The following TYW1B variants were observed in gnomAD, a reference collection of about 807,000 sequenced individuals.
The protein encoded by TYW1B is S-adenosyl-L-methionine-dependent tRNA 4-demethylwyosine synthase TYW1B.
Under a neutral mutation model 86.9 loss-of-function variants are expected in TYW1B, and 73 were observed. The observed-to-expected ratio is 0.84, with a 90% CI of 0.70 to 1.02. The LOEUF is 1.02. Ranked by LOEUF, TYW1B falls within the 50% of genes least tolerant of loss-of-function variation. The pLI, the probability that TYW1B is intolerant of heterozygous loss-of-function variation, is 0.00. For missense variants in TYW1B, 637 were observed against 827.4 expected (o/e 0.77, Z 2.82); for synonymous variants, 248 against 292.8 (o/e 0.85, Z 1.56).
At chr7:72,664,620 A>C (rs142787955) in intron 11 of TYW1B, among the ~76,000 whole-genome samples, 41 of 152,300 alleles carry the variant, frequency 2.7e-4, no homozygotes, top group African/African-American at 7.5e-4. Flanking sequence ...AATGGGAGGA[A>C]GGAGAGGATC....
At chr7:72,822,657 T>C (rs555447917) in intron 2 of TYW1B, among the ~76,000 whole-genome samples, 4 of 152,264 alleles carry the variant, frequency 2.6e-5, no homozygotes, top group East Asian at 1.9e-4. Context: ...TGAAGAAATA[T>C]TGAGATGGGC....
intron 2 of TYW1B, among the ~76,000 whole-genome samples, chr7:72,815,920 T>G (rs548682627): frequency 2.0e-5 from 3 of 152,092 alleles, no homozygotes; most frequent in Non-Finnish European, 2.9e-5. Flanking sequence ...TCCCAGCTAC[T>G]CAAGAGGCTG....
chr7:72,664,978 C>T (rs1324607672), intron 11 of TYW1B, among the ~76,000 whole-genome samples: 1 of 152,082 alleles, frequency 6.6e-6, no homozygotes, highest in Non-Finnish European at 1.5e-5. Context: ...GCTAGGTAGT[C>T]TTTACACTGT....
At chr7:72,704,378 G>C (rs1814562728) in intron 10 of TYW1B, among the ~76,000 whole-genome samples, 1 of 147,080 alleles carries the variant, frequency 6.8e-6, no homozygotes, top group Non-Finnish European at 1.5e-5. Context: ...AGGTTGTAGT[G>C]AGCCCAGATC....
chr7:72,804,057 G>A (rs1332139896), intron 5 of TYW1B, among the ~76,000 whole-genome samples: 3 of 151,928 alleles, frequency 2.0e-5, no homozygotes, highest in East Asian at 2.0e-4. Flanking sequence ...GGCCGAGGCA[G>A]ATGGATCACC....
intron 6 of TYW1B, among the ~76,000 whole-genome samples, chr7:72,780,269 T>A (rs782123479): frequency 1.3e-5 from 2 of 152,032 alleles, no homozygotes. Context: ...AAAGCAAAGG[T>A]GTGAGCTTGA....
At chr7:72,601,522 C>G (rs1811666288) in intron 13 of TYW1B, among the ~76,000 whole-genome samples, 1 of 151,910 alleles carries the variant, frequency 6.6e-6, no homozygotes, top group Non-Finnish European at 1.5e-5. Flanking sequence ...GATATTTACC[C>G]AACTAATTTG....
intron 10 of TYW1B, among the ~76,000 whole-genome samples, chr7:72,704,457 A>AG (rs1554453272): frequency 0.022 from 3,010 of 137,532 alleles, 169 homozygotes; most frequent in Non-Finnish European, 0.035. Context: ...AAAAAAAAAA[A>AG]GTCCATCTTG....
At chr7:72,605,354 G>C (rs1428967734) in intron 13 of TYW1B, among the ~76,000 whole-genome samples, 1 of 148,600 alleles carries the variant, frequency 6.7e-6, no homozygotes, top group Non-Finnish European at 1.5e-5. Context: ...TTTTTTGTTT[G>C]TTTTGTTTTT....
chr7:72,687,043 G>C (rs1814022854), intron 11 of TYW1B, among the ~76,000 whole-genome samples: 1 of 152,280 alleles, frequency 6.6e-6, no homozygotes, highest in Non-Finnish European at 1.5e-5. Context: ...TTCACAAATA[G>C]GACAGGAAAA....
intron 13 of TYW1B, among the ~76,000 whole-genome samples, chr7:72,593,999 C>T (rs1210826082): frequency 1.5e-4 from 23 of 150,754 alleles, no homozygotes; most frequent in African/African-American, 5.2e-4. Context: ...CATATCAAAA[C>T]GTATGGGACA....
intron 2 of TYW1B, among the ~76,000 whole-genome samples, chr7:72,825,675 C>A (rs1452229486): frequency 6.6e-6 from 1 of 152,064 alleles, no homozygotes; most frequent in African/African-American, 2.4e-5. Flanking sequence ...GAGACTCTGT[C>A]TCAAAAAACA....
In TYW1B at chr7:72,631,003, C is replaced by A. The variant is rs538153832; in HGVS notation, c.1507-2006G>T. On this transcript the variant is annotated intron_variant, in intron 11 of 13. Coordinates refer to ENST00000620995, the MANE Select transcript of TYW1B (RefSeq NM_001145440.3). The stretch of plus-strand genomic sequence containing the variant: ...CTATACAGTAATATAATTCATTATA[C>A]TAGTAGTTCAACACAGAAAAACCAC... Among the ~76,000 whole-genome samples the A allele has an allele frequency of 2.0e-5, 3 of 152,144 alleles. No homozygotes were observed. In the South Asian group the frequency reaches 6.2e-4, roughly 32 times the overall value.
chr7:72,801,190 G>A (rs1192612588), intron 6 of TYW1B, among the ~76,000 whole-genome samples: 9 of 152,046 alleles, frequency 5.9e-5, no homozygotes, highest in Non-Finnish European at 1.0e-4. Flanking sequence ...TTAGCTCAGC[G>A]TGGTGGTGTG....
chr7:72,779,108 A>G (rs1788004698), intron 6 of TYW1B, among the ~76,000 whole-genome samples: 1 of 152,090 alleles, frequency 6.6e-6, no homozygotes, highest in Admixed American at 6.6e-5. Context: ...TCATCCAGGC[A>G]GTGGCCCTAC....
At chr7:72,667,084 C>T (rs183114037) in intron 11 of TYW1B, among the ~76,000 whole-genome samples, 27 of 134,766 alleles carry the variant, frequency 2.0e-4, no homozygotes, top group African/African-American at 7.1e-4. Flanking sequence ...CCCATATGTA[C>T]AATAACCATT....
intron 13 of TYW1B, among the ~76,000 whole-genome samples, chr7:72,597,811 T>C (rs1811572917): frequency 6.6e-6 from 1 of 152,058 alleles, no homozygotes; most frequent in African/African-American, 2.4e-5. Context: ...CATCATATTA[T>C]ATCCATTAAA....
intron 11 of TYW1B, among the ~76,000 whole-genome samples, chr7:72,654,002 C>G (rs1813138898): frequency 6.6e-6 from 1 of 151,342 alleles, no homozygotes; most frequent in Admixed American, 6.6e-5. Context: ...ATCACATGAA[C>G]CCAGGAGGCG....
Position 72,828,054 on chromosome 7 carries a change from C to G in TYW1B, c.4+18G>C, listed in dbSNP as rs571431809. 5.6e-6 allele frequency: 9 copies of G among 1,613,814 alleles called. No individual in the cohort carries two copies. In the African/African-American group the frequency reaches 9.3e-5, roughly 17 times the overall value. On this transcript the variant is annotated intron_variant, in intron 1 of 13. Coordinates refer to ENST00000620995, the MANE Select transcript of TYW1B (RefSeq NM_001145440.3). ...CTCCCCTGCCGCCCCAGGGTCCTTG[C>G]CCGCCGAGTGCCCTTACCCATCCTC...
Sources: gnomAD v4.1 joint callset for allele counts (sites outside exome capture counted in the v4.1 genomes callset) on GRCh38, gnomAD v4.1.1 for gene constraint, MANE v1.5 for transcripts, NCBI Gene and HGNC (gene_info 2026-07-23, HGNC 2026-07-21) for gene names.